KDM2B: variants seen among roughly 807,000 people sequenced by gnomAD.
KDM2B encodes lysine demethylase 2B, also known as lysine-specific demethylase 2B.
A neutral mutation model predicts 150.0 loss-of-function variants in KDM2B; 26 were observed. The observed-to-expected ratio is 0.17, with a 90% CI of 0.13 to 0.24. KDM2B has a LOEUF of 0.24. KDM2B is among the 10% of genes least tolerant of loss of function. KDM2B has a pLI of 1.00. For synonymous variants in KDM2B, 734 were observed against 729.5 expected (o/e 1.01, Z -0.10); for missense variants, 1,265 against 1,816.9 (o/e 0.70, Z 5.52).
At chr12:121,490,292 C>T (rs1462864992) in intron 12 of KDM2B, among the ~76,000 whole-genome samples, 1 of 152,234 alleles carries the variant, frequency 6.6e-6, no homozygotes, top group Non-Finnish European at 1.5e-5. Context: ...GGACTGTCTC[C>T]ATGCCCCCAT....
the KDM2B span, chr12:121,417,447 C>T: frequency 4.8e-6 from 7 of 1,466,762 alleles, no homozygotes; most frequent in Non-Finnish European, 6.5e-6. The surrounding 1 kb of genome is among the most constrained non-coding windows in gnomAD (Gnocchi z 5.0). Flanking sequence ...AGAAAGAAAA[C>T]TCATGCTTTC....
rs1392349919 is a variant in KDM2B at position 121,520,187 on chromosome 12, G to A, written c.1047+798C>T. Among the ~76,000 whole-genome samples, 7 of 152,102 alleles carry A rather than the reference G, an allele frequency of 4.6e-5. No individual in the cohort carries two copies. Among genetic ancestry groups the A allele is most frequent in the Non-Finnish European group, 7.4e-5 (5 of 68,018 alleles). On this transcript the variant is annotated intron_variant, in intron 9 of 22. Coordinates refer to ENST00000377071, the MANE Select transcript of KDM2B (RefSeq NM_032590.5). The surrounding 1 kb of genome is among the most constrained non-coding windows in gnomAD (Gnocchi z 4.5). Reference sequence around the variant, plus strand: ...ATTACAGGCAAGAGCCACCGCGCCCGGCCCCAAGTCTTCAGTTTTGACCCA... The same window carrying A: ...ATTACAGGCAAGAGCCACCGCGCCCAGCCCCAAGTCTTCAGTTTTGACCCA...
chr12:121,424,198 G>A (rs1872394567), downstream of KDM2B: 1 of 152,676 alleles, frequency 6.5e-6, no homozygotes, highest in South Asian at 2.1e-4. Context: ...TTTATAGCAA[G>A]GGCTGCATCT....
At chr12:121,560,081 T>A (rs1890231984) in intron 4 of KDM2B, among the ~76,000 whole-genome samples, 1 of 152,158 alleles carries the variant, frequency 6.6e-6, no homozygotes, top group Admixed American at 6.6e-5. Flanking sequence ...CATGGTTCCC[T>A]GCAGCCTCGA....
chr12:121,454,889 A>T (rs1877979107), intron 12 of KDM2B, among the ~76,000 whole-genome samples: 1 of 151,604 alleles, frequency 6.6e-6, no homozygotes, highest in Admixed American at 6.6e-5. Flanking sequence ...CATCACAGGG[A>T]CCCCCTCTCA....
chr12:121,455,593 T>C (rs1247749285), intron 12 of KDM2B, among the ~76,000 whole-genome samples: 9 of 152,016 alleles, frequency 5.9e-5, no homozygotes, highest in Admixed American at 5.9e-4. Flanking sequence ...CAGACCCAGC[T>C]ACTCAGGAGG....
In KDM2B at chr12:121,505,429, AG is replaced by A. The variant is rs1884982646; in HGVS notation, c.1647+4137del. 2.6e-5 allele frequency among the ~76,000 whole-genome samples: 4 copies of A among 152,192 alleles called. No homozygotes were observed. In the South Asian group the frequency reaches 8.3e-4, roughly 32 times the overall value. ...CGAGGCTGTCCAACCACCTGAGCCCAGGGGCTCAAGATGAGCCTGGGCAACA... is the reference window on the plus strand; with the variant it reads ...CGAGGCTGTCCAACCACCTGAGCCCAGGGCTCAAGATGAGCCTGGGCAACA... On this transcript the variant is annotated intron_variant, in intron 11 of 22. Coordinates refer to ENST00000377071, the MANE Select transcript of KDM2B (RefSeq NM_032590.5).
chr12:121,485,041 A>G (rs1394106104), intron 12 of KDM2B, among the ~76,000 whole-genome samples: 9 of 152,066 alleles, frequency 5.9e-5, no homozygotes, highest in Non-Finnish European at 1.5e-5. Flanking sequence ...GGGAGACCAC[A>G]GCTACCTACA....
chr12:121,513,473 CG>C lies in KDM2B; in HGVS notation c.1048-72del. On this transcript the variant is annotated intron_variant, in intron 9 of 22. Coordinates refer to ENST00000377071, the MANE Select transcript of KDM2B (RefSeq NM_032590.5). The surrounding 1 kb of genome is among the most constrained non-coding windows in gnomAD (Gnocchi z 5.0). ...GAAGGGGGAAGGAGGGAGAGAAGTG[CG>C]GGGCAGGCTCCCTGCAGGTGAGGGT... 2 of 1,552,616 alleles carry C rather than the reference CG, an allele frequency of 1.3e-6. No individual in the cohort carries two copies. Among genetic ancestry groups the C allele is most frequent in the East Asian group, 2.3e-5 (1 of 43,966 alleles).
intron 12 of KDM2B, among the ~76,000 whole-genome samples, chr12:121,489,621 G>A (rs997753387): frequency 7.2e-5 from 11 of 152,022 alleles, no homozygotes; most frequent in African/African-American, 2.4e-4. Context: ...TGTATTTTTA[G>A]TAGAGATGGG....
intron 9 of KDM2B, chr12:121,516,934 G>A: frequency 1.3e-5 from 8 of 633,480 alleles, no homozygotes; most frequent in South Asian, 3.6e-5. Flanking sequence ...GGAGAGGGAA[G>A]GTAAATTATT....
At chr12:121,555,667 C>T (rs1555312568) in intron 4 of KDM2B, among the ~76,000 whole-genome samples, 1 of 152,172 alleles carries the variant, frequency 6.6e-6, no homozygotes, top group African/African-American at 2.4e-5. Context: ...AGCCACCACA[C>T]CTGGCCAAAA....
At chr12:121,460,663 C>A (rs1555293619) in intron 12 of KDM2B, among the ~76,000 whole-genome samples, 1 of 152,180 alleles carries the variant, frequency 6.6e-6, no homozygotes, top group African/African-American at 2.4e-5. Flanking sequence ...CCGACTTGGC[C>A]TCCCAAAGTG....
intron 12 of KDM2B, among the ~76,000 whole-genome samples, chr12:121,479,412 A>G (rs1555297452): frequency 6.7e-6 from 1 of 150,178 alleles, no homozygotes; most frequent in East Asian, 2.0e-4. Context: ...GCTTGCAATG[A>G]GCCGAGATCG....
chr12:121,460,483 C>G (rs1404079381), intron 12 of KDM2B, among the ~76,000 whole-genome samples: 1 of 152,230 alleles, frequency 6.6e-6, no homozygotes, highest in Non-Finnish European at 1.5e-5. Context: ...ACCGCAGCCT[C>G]GACTTCCCAG....
downstream of KDM2B, among the ~76,000 whole-genome samples, chr12:121,428,218 TGCGGTCTC>T (rs2137297572): frequency 6.6e-6 from 1 of 152,132 alleles, no homozygotes; most frequent in African/African-American, 2.4e-5. Flanking sequence ...TTTTTTGAAA[TGCGGTCTC>T]GCGGTCGCCA....
At chr12:121,551,634 C>A (rs1469339010) in intron 4 of KDM2B, among the ~76,000 whole-genome samples, 1 of 152,188 alleles carries the variant, frequency 6.6e-6, no homozygotes, top group Non-Finnish European at 1.5e-5. Flanking sequence ...CTTACTGCAA[C>A]CTCCACCTGC....
chr12:121,437,757 A>C (rs770910199), intron 22 of KDM2B, among the ~76,000 whole-genome samples: 87 of 152,212 alleles, frequency 5.7e-4, no homozygotes, highest in Non-Finnish European at 1.1e-3. Context: ...CCTCCAACCA[A>C]GTTTAAGGAT....
At position 121,429,855 on chromosome 12, in the gene KDM2B, CA is replaced by C; in HGVS notation, c.*432del. The C allele has an allele frequency of 4.7e-5, 27 of 568,902 alleles. No individual in the cohort carries two copies. The highest frequency in any genetic ancestry group is 1.2e-4 in the South Asian group (5 of 40,250). The allele number at this position is 568,902 out of a possible 1,614,324, so 35.2% of individuals were successfully genotyped here. The stretch of plus-strand genomic sequence containing the variant: ...GTAAGATGTAACAAAACCAACCAAA[CA>C]AAAAAAAGTGTCAAGACGGCAGCAG... On this transcript the variant is annotated 3_prime_UTR_variant, in exon 23 of 23. Coordinates refer to ENST00000377071, the MANE Select transcript of KDM2B (RefSeq NM_032590.5).
Sources: gnomAD v4.1 joint callset for allele counts (sites outside exome capture counted in the v4.1 genomes callset) on GRCh38, gnomAD v4.1.1 for gene constraint, Gnocchi (gnomAD v3.1) non-coding constraint, MANE v1.5 for transcripts, NCBI Gene and HGNC (gene_info 2026-07-23, HGNC 2026-07-21) for gene names.